The following CARMIL1 variants were observed in gnomAD, a reference collection of about 807,000 sequenced individuals.
The protein encoded by CARMIL1 is F-actin-uncapping protein LRRC16A.
A neutral mutation model predicts 177.1 loss-of-function variants in CARMIL1; 90 were observed. The observed-to-expected ratio is 0.51, with a 90% CI of 0.43 to 0.61. The LOEUF (loss-of-function observed/expected upper bound fraction) is 0.61, where lower values mean the gene tolerates loss of function less well. Among genes scored for constraint, CARMIL1 ranks in the 20% least tolerant of loss-of-function variants. The probability of loss-of-function intolerance (pLI) is 0.00; values close to 1 mark genes in which losing one functional copy is unlikely to be tolerated. For missense variants in CARMIL1, 1,380 were observed against 1,667.0 expected (o/e 0.83, Z 3.00); for synonymous variants, 577 against 606.2 (o/e 0.95, Z 0.71).
rs547412969 is a variant in CARMIL1, at chr6:25,558,277, T to C, written c.2742+1427T>C. On this transcript the variant is annotated intron_variant, in intron 29 of 36. Coordinates refer to ENST00000329474, the MANE Select transcript of CARMIL1 (RefSeq NM_017640.6). The surrounding 1 kb of genome is among the most constrained non-coding windows in gnomAD (Gnocchi z 4.1). ...CCAGATTTATTTGGTCATGTGTAAATTGGAAAAGGGTGAAGGAAAAAACAA... is the reference window on the plus strand; with the variant it reads ...CCAGATTTATTTGGTCATGTGTAAACTGGAAAAGGGTGAAGGAAAAAACAA... Among the ~76,000 whole-genome samples the C allele has an allele frequency of 1.5e-3, 234 of 152,258 alleles. 1 individual carries two copies. Among genetic ancestry groups the C allele is most frequent in the Non-Finnish European group, 2.8e-3 (188 of 68,016 alleles).
chr6:25,327,267 A>G (rs983572733), intron 2 of CARMIL1, among the ~76,000 whole-genome samples: 1 of 152,184 alleles, frequency 6.6e-6, no homozygotes, highest in African/African-American at 2.4e-5. Context: ...AAGAACAGAA[A>G]GAACGGCCAG....
At chr6:25,496,925 A>G (rs902148553) in intron 16 of CARMIL1, among the ~76,000 whole-genome samples, 18 of 152,230 alleles carry the variant, frequency 1.2e-4, no homozygotes, top group African/African-American at 4.3e-4. Flanking sequence ...AGTTTGCAAC[A>G]AGGCTGGACT....
chr6:25,295,347 G>C lies in CARMIL1; in HGVS notation c.138+10438G>C, dbSNP rs367731344. On this transcript the variant is annotated intron_variant, in intron 2 of 36. Transcript: ENST00000329474. ...GATACTCCATTTACCCACTGTAGAGGAGTACTGTAGTTTATCTAACCATGT... is the reference window on the plus strand; with the variant it reads ...GATACTCCATTTACCCACTGTAGAGCAGTACTGTAGTTTATCTAACCATGT... Among the ~76,000 whole-genome samples, 5 of 152,180 alleles carry C rather than the reference G, an allele frequency of 3.3e-5. No individual in the cohort carries two copies. In the East Asian group the frequency reaches 7.7e-4, roughly 23 times the overall value.
At chr6:25,351,343 T>C (rs1316230755) in intron 2 of CARMIL1, among the ~76,000 whole-genome samples, 2 of 152,252 alleles carry the variant, frequency 1.3e-5, no homozygotes, top group African/African-American at 4.8e-5. Context: ...TTTTAAAATA[T>C]GTGGCTACAA....
intron 2 of CARMIL1, among the ~76,000 whole-genome samples, chr6:25,315,449 A>T (rs567977542): frequency 5.9e-5 from 9 of 152,170 alleles, no homozygotes; most frequent in African/African-American, 1.2e-4. Flanking sequence ...GGTCTACCCT[A>T]AGGGCTCCCT....
At chr6:25,303,148 G>C (rs1221171896) in intron 2 of CARMIL1, among the ~76,000 whole-genome samples, 2 of 151,074 alleles carry the variant, frequency 1.3e-5, no homozygotes, top group African/African-American at 2.4e-5. Flanking sequence ...TCCATTGTGA[G>C]AGTTGTTTAT....
At chr6:25,434,853 C>A (rs947854003) in intron 4 of CARMIL1, among the ~76,000 whole-genome samples, 1 of 151,990 alleles carries the variant, frequency 6.6e-6, no homozygotes, top group Admixed American at 6.6e-5. Flanking sequence ...CCCTGCCGAT[C>A]GAAACTTTTA....
intron 31 of CARMIL1, among the ~76,000 whole-genome samples, chr6:25,591,107 C>T (rs894876348): frequency 6.6e-6 from 1 of 152,148 alleles, no homozygotes; most frequent in Non-Finnish European, 1.5e-5. Context: ...ACTAATGCAC[C>T]TAATTGTCCT....
Position 25,450,246 on chromosome 6 carries a change from G to C in CARMIL1, c.470-93G>C. 1.0e-5 allele frequency: 9 copies of C among 887,462 alleles called. No individual in the cohort carries two copies. The South Asian group carries it at 1.3e-4, about 13-fold the overall frequency. The allele number at this position is 887,462 out of a possible 1,614,324, so 55.0% of individuals were successfully genotyped here. On this transcript the variant is annotated intron_variant, in intron 6 of 36. Coordinates refer to ENST00000329474, the MANE Select transcript of CARMIL1 (RefSeq NM_017640.6). ...CCCCTAAAAAGGAAAAGGATAATCA[G>C]CATTGTCAACATCGGCCATATTTAA...
At chr6:25,281,880 C>T (rs1781144251) in intron 1 of CARMIL1, among the ~76,000 whole-genome samples, 2 of 151,976 alleles carry the variant, frequency 1.3e-5, no homozygotes, top group East Asian at 1.9e-4. Flanking sequence ...TTTGGGAGGC[C>T]GAGGCAGGTG....
At chr6:25,583,827 C>T (rs189926224) in intron 31 of CARMIL1, among the ~76,000 whole-genome samples, 12 of 151,428 alleles carry the variant, frequency 7.9e-5, no homozygotes, top group Non-Finnish European at 1.2e-4. Flanking sequence ...GACAACCCCC[C>T]CCACCCGCCT....
At chr6:25,438,307 A>C (rs1797406510) in intron 5 of CARMIL1, among the ~76,000 whole-genome samples, 1 of 152,232 alleles carries the variant, frequency 6.6e-6, no homozygotes, top group South Asian at 2.1e-4. Flanking sequence ...TATGCTAGGC[A>C]TAGTGCTAAG....
chr6:25,479,836 A>AT (rs1455446178), intron 11 of CARMIL1, among the ~76,000 whole-genome samples: 1 of 152,110 alleles, frequency 6.6e-6, no homozygotes, highest in Non-Finnish European at 1.5e-5. Flanking sequence ...GATCCCAAAG[A>AT]TTTTAATACC....
At chr6:25,328,449 T>C (rs997543011) in intron 2 of CARMIL1, among the ~76,000 whole-genome samples, 1 of 152,236 alleles carries the variant, frequency 6.6e-6, no homozygotes, top group Non-Finnish European at 1.5e-5. Context: ...ATGAGCTCTG[T>C]GGACATTTCA....
chr6:25,576,167 A>G (rs1258064395), intron 29 of CARMIL1, among the ~76,000 whole-genome samples: 1 of 152,168 alleles, frequency 6.6e-6, no homozygotes, highest in Admixed American at 6.5e-5. Context: ...CAGACTAAGA[A>G]GAGGATGCCC....
At chr6:25,390,378 G>A (rs4712926) in intron 2 of CARMIL1, among the ~76,000 whole-genome samples, 19,666 of 137,632 alleles carry the variant, frequency 0.14, 1,588 homozygotes, top group East Asian at 0.32. Context: ...TTGGAGTACA[G>A]CAGCACAGTC....
At chr6:25,446,791 G>A (rs1798278368) in intron 5 of CARMIL1, among the ~76,000 whole-genome samples, 1 of 152,142 alleles carries the variant, frequency 6.6e-6, no homozygotes, top group Non-Finnish European at 1.5e-5. Flanking sequence ...AGAGATGTGC[G>A]ACTATTCCTT....
intron 36 of CARMIL1, among the ~76,000 whole-genome samples, chr6:25,614,412 A>G (rs1816740885): frequency 6.6e-6 from 1 of 152,228 alleles, no homozygotes; most frequent in Non-Finnish European, 1.5e-5. Flanking sequence ...GTTTATAGAC[A>G]CATAGTTACA....
Position 25,600,753 on chromosome 6 carries a change from G to A in CARMIL1, c.3552+7G>A, listed in dbSNP as rs535248924. ...AGCTGCGTGTGCGCAGAAGGTAAGG[G>A]TGGACCTATTTTTAATTCATTCATT... On this transcript the variant is annotated splice_region_variant and intron_variant, in intron 33 of 36. Coordinates refer to ENST00000329474, the MANE Select transcript of CARMIL1 (RefSeq NM_017640.6). The A allele has an allele frequency of 1.3e-6, 2 of 1,482,708 alleles. No individual in the cohort carries two copies. The highest frequency in any genetic ancestry group is 2.7e-5 in the Admixed American group (1 of 37,660). The allele number at this position is 1,482,708 out of a possible 1,614,324, so 91.8% of individuals were successfully genotyped here. A position where few individuals can be genotyped will look rare whatever the true frequency, so the allele number is the denominator to read the frequency against.
Sources: allele counts gnomAD v4.1 joint callset (sites outside exome capture counted in the v4.1 genomes callset), GRCh38; gene constraint gnomAD v4.1.1; non-coding constraint Gnocchi (gnomAD v3.1); transcripts MANE v1.5; gene names NCBI Gene and HGNC (gene_info 2026-07-23, HGNC 2026-07-21).